SLC6A20: variants seen among roughly 807,000 people sequenced by gnomAD.
SLC6A20 encodes sodium- and chloride-dependent transporter XTRP3.
In SLC6A20, 73 loss-of-function variants were observed where a neutral mutation model predicts 64.3. That is an observed-to-expected ratio of 1.14 (90% CI 0.94 to 1.38). The LOEUF (loss-of-function observed/expected upper bound fraction) is 1.38. SLC6A20 is among the 40% of genes most tolerant of loss of function. The pLI is 0.00. For missense variants in SLC6A20, 725 were observed against 772.8 expected, an observed-to-expected ratio of 0.94 and a Z score of 0.73; for synonymous variants, 347 against 329.6, an observed-to-expected ratio of 1.05 and a Z score of -0.57.
At chr3:45,794,374 A>C (rs2125660351) in intron 1 of SLC6A20, among the ~76,000 whole-genome samples, 2 of 152,264 alleles carry the variant, frequency 1.3e-5, no homozygotes, top group Non-Finnish European at 2.9e-5. Flanking sequence ...TATTCTGTAG[A>C]CATGTGGCTG....
chr3:45,765,741 C>T lies in SLC6A20; in HGVS notation c.1099G>A (p.Ala367Thr). The stretch of plus-strand genomic sequence containing the variant: ...AATGCCAGGCCAGTGCCCTGGACGG[C>T]CTGCCCAGGGTGAGAAGACACCAGT... ...NCSLESELDT[A>T]VQGTGLAFIV... The change falls in exon 8 of 11, where the codon GCC (alanine) becomes ACC (threonine). Residue 367 changes from alanine to threonine, a missense_variant and splice_region_variant. Transcript: ENST00000358525. The surrounding 1 kb of genome is among the most constrained non-coding windows in gnomAD (Gnocchi z 4.2). The T allele has an allele frequency of 1.2e-6, 2 of 1,614,148 alleles. No individual in the cohort carries two copies. The highest frequency in any genetic ancestry group is 8.5e-7 in the Non-Finnish European group (1 of 1,180,040).
rs1437608139 is a variant in SLC6A20 at position 45,757,209 on chromosome 3, C to T, written c.*1769G>A. ...GGTCAGCTTTTTACACCGAGACATT[C>T]CATTACCAGGGACAAGCAGGAGACA... On this transcript the variant is annotated 3_prime_UTR_variant, in exon 11 of 11. Coordinates refer to ENST00000358525, the MANE Select transcript of SLC6A20 (RefSeq NM_020208.4). 6 of 150,240 alleles carry T rather than the reference C, an allele frequency of 4.0e-5. No individual in the cohort carries two copies. The highest frequency in any genetic ancestry group is 7.4e-5 in the African/African-American group (3 of 40,628). 9.3% of individuals were successfully genotyped at this position (150,240 alleles called of 1,614,324 possible). A position where few individuals can be genotyped will look rare whatever the true frequency, so the allele number is the denominator to read the frequency against.
intron 1 of SLC6A20, 103 bp downstream of exon 1, chr3:45,796,196 G>A: frequency 6.7e-7 from 1 of 1,498,086 alleles, no homozygotes; most frequent in Non-Finnish European, 9.0e-7. Context: ...TCGCTTTCCC[G>A]GCCTCAGTGT....
chr3:45,770,482 T>C, intron 6 of SLC6A20, 111 bp from the exon 7 acceptor site: 4 of 1,326,048 alleles, frequency 3.0e-6, no homozygotes, highest in Non-Finnish European at 4.1e-6. Flanking sequence ...AGTCTGTTGC[T>C]TGGTGATCTT....
chr3:45,792,447 T>C (rs556862715), intron 1 of SLC6A20, among the ~76,000 whole-genome samples: 1 of 152,308 alleles, frequency 6.6e-6, no homozygotes, highest in African/African-American at 2.4e-5. Context: ...CTTCAGAAAA[T>C]GCCTCACATG....
chr3:45,779,029 C>A (rs965593598), intron 3 of SLC6A20, among the ~76,000 whole-genome samples: 2 of 152,228 alleles, frequency 1.3e-5, no homozygotes, highest in Non-Finnish European at 2.9e-5. Context: ...CCCACAGAGT[C>A]AAGGCTATGC....
intron 8 of SLC6A20, among the ~76,000 whole-genome samples, chr3:45,764,518 C>G (rs1193800743): frequency 5.3e-5 from 8 of 152,066 alleles, no homozygotes; most frequent in Admixed American, 5.2e-4. Flanking sequence ...GCCTGGCCAA[C>G]ACGGGGAAAC....
intron 1 of SLC6A20, among the ~76,000 whole-genome samples, chr3:45,795,846 A>G (rs1032382405): frequency 1.3e-5 from 2 of 152,256 alleles, no homozygotes; most frequent in African/African-American, 2.4e-5. Flanking sequence ...GATTCTCTTA[A>G]CCTGAGTTTC....
At chr3:45,790,116 G>T (rs1419619342) in intron 1 of SLC6A20, among the ~76,000 whole-genome samples, 2 of 152,142 alleles carry the variant, frequency 1.3e-5, no homozygotes, top group African/African-American at 4.8e-5. Flanking sequence ...GGGCCACAGA[G>T]ATGCCCGCCC....
intron 7 of SLC6A20, among the ~76,000 whole-genome samples, chr3:45,767,428 C>T (rs1699795483): frequency 6.6e-6 from 1 of 151,982 alleles, no homozygotes. Flanking sequence ...GCTCAATTGA[C>T]AGTTAAATAC....
chr3:45,781,859 G>T (rs570355793), intron 2 of SLC6A20, among the ~76,000 whole-genome samples: 2 of 152,268 alleles, frequency 1.3e-5, no homozygotes, highest in South Asian at 4.1e-4. Context: ...TCCCCAAGGG[G>T]CATGCATCCT....
chr3:45,779,815 C>G lies in SLC6A20; in HGVS notation c.354+194G>C, dbSNP rs553162860. Reference sequence around the variant, plus strand: ...GGACTCTTGCTTACAGCGTAAGGGGCCCGTGGAGCCCGGGTTCAGAAGCCC... The same window carrying G: ...GGACTCTTGCTTACAGCGTAAGGGGGCCGTGGAGCCCGGGTTCAGAAGCCC... On this transcript the variant is annotated intron_variant, in intron 3 of 10. Transcript: ENST00000358525. Among the ~76,000 whole-genome samples, 9 of 152,348 alleles carry G rather than the reference C, an allele frequency of 5.9e-5. No homozygotes were observed. In the South Asian group the frequency reaches 1.7e-3, roughly 28 times the overall value.
intron 8 of SLC6A20, among the ~76,000 whole-genome samples, chr3:45,764,999 G>A (rs1452469011): frequency 6.6e-6 from 1 of 151,760 alleles, no homozygotes; most frequent in East Asian, 1.9e-4. Flanking sequence ...AATCACCTGG[G>A]GTCAGGAGTT....
intron 1 of SLC6A20, among the ~76,000 whole-genome samples, chr3:45,795,438 C>T (rs1700329676): frequency 1.3e-5 from 2 of 152,032 alleles, no homozygotes; most frequent in Admixed American, 6.6e-5. Context: ...AGGAAGTTGC[C>T]AATGTTTTGC....
rs540677944 is a variant in SLC6A20, at chr3:45,790,519, C to T, written c.121+5780G>A. 2.0e-5 allele frequency: 3 copies of T among 152,318 alleles called. No individual in the cohort carries two copies. The South Asian group carries it at 6.2e-4, about 32-fold the overall frequency. The allele number at this position is 152,318 out of a possible 1,614,324, so 9.4% of individuals were successfully genotyped here. ...TTTCCCATTTGGAGTCAAACCCAGT[C>T]AACCTTTTGAAAACCAAGAACAAGG... is the stretch of plus-strand genomic sequence containing the variant. On this transcript the variant is annotated intron_variant, in intron 1 of 10. Transcript: ENST00000358525.
intron 3 of SLC6A20, 97 bp from the exon 4 acceptor site, chr3:45,776,085 A>G (rs984921006): frequency 1.7e-6 from 2 of 1,185,524 alleles, no homozygotes; most frequent in African/African-American, 3.0e-5. Context: ...AGACTCTTGG[A>G]AGAGAAGGGT....
intron 1 of SLC6A20, among the ~76,000 whole-genome samples, chr3:45,783,006 C>T (rs1418730720): frequency 6.6e-6 from 1 of 152,240 alleles, no homozygotes; most frequent in Non-Finnish European, 1.5e-5. Context: ...TCCATGCATT[C>T]AGCTGTCCAC....
intron 9 of SLC6A20, among the ~76,000 whole-genome samples, chr3:45,761,094 C>T (rs1195057970): frequency 6.6e-6 from 1 of 152,210 alleles, no homozygotes. Flanking sequence ...CCCTTTGCTG[C>T]TGCTGACGTA....
At chr3:45,768,099 T>C (rs1193357586) in intron 7 of SLC6A20, among the ~76,000 whole-genome samples, 1 of 152,200 alleles carries the variant, frequency 6.6e-6, no homozygotes, top group East Asian at 1.9e-4. Flanking sequence ...CATAATGTCA[T>C]GTCCAATGTA....
Sources: allele counts gnomAD v4.1 joint callset (sites outside exome capture counted in the v4.1 genomes callset), GRCh38; gene constraint gnomAD v4.1.1; non-coding constraint Gnocchi (gnomAD v3.1); transcripts MANE v1.5; gene names NCBI Gene and HGNC (gene_info 2026-07-23, HGNC 2026-07-21).